PARP8: variants seen among roughly 807,000 people sequenced by gnomAD.
PARP8 encodes the protein protein mono-ADP-ribosyltransferase PARP8.
A neutral mutation model predicts 124.1 loss-of-function variants in PARP8; 51 were observed. The observed-to-expected ratio is 0.41, with a 90% CI of 0.33 to 0.52. The LOEUF (loss-of-function observed/expected upper bound fraction) is 0.52, where lower values mean the gene tolerates loss of function less well. PARP8 is among the 20% of genes least tolerant of loss of function. The pLI, the probability that PARP8 is intolerant of heterozygous loss-of-function variation, is 0.21. For missense variants in PARP8, 860 were observed against 1,018.9 expected (o/e 0.84, Z 2.12); for synonymous variants, 391 against 361.5 (o/e 1.08, Z -0.93).
intron 2 of PARP8, among the ~76,000 whole-genome samples, chr5:50,677,052 G>A (rs1354971396): frequency 1.7e-4 from 26 of 152,156 alleles, no homozygotes; most frequent in Admixed American, 1.6e-3. Flanking sequence ...TCAGGAAAAC[G>A]AGTGGAGCCT....
In PARP8 at chr5:50,841,269, C is replaced by T. The variant is rs532553107; in HGVS notation, c.2463-697C>T. ...ATTCATTCTTAAGAAATTCTTATTG[C>T]CCAAGTAACTGTATTTGAGAAAAAT... is the stretch of plus-strand genomic sequence containing the variant. On this transcript the variant is annotated intron_variant, in intron 25 of 25. Transcript: ENST00000281631. Among the ~76,000 whole-genome samples, 6 of 151,824 alleles carry T rather than the reference C, an allele frequency of 4.0e-5. 1 individual carries two copies. The highest frequency in any genetic ancestry group is 1.4e-4 in the African/African-American group (6 of 41,494).
At chr5:50,738,715 TAAAAAAA>T (rs71612375) in intron 2 of PARP8, among the ~76,000 whole-genome samples, 25 of 135,530 alleles carry the variant, frequency 1.8e-4, no homozygotes, top group East Asian at 6.3e-4. Context: ...GCTGATAAGT[TAAAAAAA>T]AAAAAAAAAA....
intron 9 of PARP8, among the ~76,000 whole-genome samples, chr5:50,785,799 T>C (rs1240146602): frequency 6.6e-6 from 1 of 152,168 alleles, no homozygotes; most frequent in African/African-American, 2.4e-5. Context: ...GCTTACAATA[T>C]AGAGCATGTG....
At chr5:50,774,529 C>T (rs1363230492) in intron 7 of PARP8, among the ~76,000 whole-genome samples, 53 of 111,662 alleles carry the variant, frequency 4.7e-4, no homozygotes, top group Admixed American at 8.9e-4. Context: ...ACGGGGTGGC[C>T]GGGCAGAGGC....
chr5:50,827,884 A>C, intron 19 of PARP8, 60 bp from the exon 20 acceptor site: 1 of 1,230,242 alleles, frequency 8.1e-7, no homozygotes, highest in Non-Finnish European at 1.2e-6. Context: ...TGAAATTGTC[A>C]TCAGCCTGAA....
intron 7 of PARP8, 141 bp from the exon 8 acceptor site, chr5:50,777,928 A>C: frequency 1.5e-6 from 1 of 661,836 alleles, no homozygotes; most frequent in Admixed American, 3.2e-5. Flanking sequence ...TAGTTATTTC[A>C]TATCCACAGT....
intron 2 of PARP8, among the ~76,000 whole-genome samples, chr5:50,693,120 C>T (rs1475703362): frequency 3.3e-5 from 5 of 152,118 alleles, no homozygotes; most frequent in Non-Finnish European, 7.4e-5. Context: ...CAGTTGATAA[C>T]TGAAAGGTGT....
intron 4 of PARP8, among the ~76,000 whole-genome samples, chr5:50,759,974 T>C (rs1238831299): frequency 6.6e-5 from 10 of 152,156 alleles, no homozygotes; most frequent in Middle Eastern, 3.2e-3. Context: ...GTTGTAAAAA[T>C]ATTTTCCTAC....
intron 2 of PARP8, among the ~76,000 whole-genome samples, chr5:50,718,889 C>T (rs570734489): frequency 6.6e-5 from 10 of 152,078 alleles, no homozygotes; most frequent in East Asian, 1.9e-4. Flanking sequence ...TTCTGAGGAA[C>T]GTCTGTACTC....
At chr5:50,700,981 T>C (rs1411135442) in intron 2 of PARP8, among the ~76,000 whole-genome samples, 1 of 152,180 alleles carries the variant, frequency 6.6e-6, no homozygotes, top group South Asian at 2.1e-4. Context: ...TGGAGTTTTC[T>C]GAATTTCTTT....
intron 2 of PARP8, among the ~76,000 whole-genome samples, chr5:50,736,365 T>C (rs925415092): frequency 6.6e-6 from 1 of 152,134 alleles, no homozygotes. Flanking sequence ...TGCAGCATCT[T>C]TGTAATGGAT....
At position 50,824,467 on chromosome 5, in the gene PARP8, A is replaced by G. The variant is rs143197374; in HGVS notation, c.1861-441A>G. ...TAAGTGAAAAGGCAAGGAAAAGAAG[A>G]TGGGACTAGAGGAGTTATGTAAAAA... On this transcript the variant is annotated intron_variant, in intron 17 of 25. Transcript: ENST00000281631. 6.6e-5 allele frequency among the ~76,000 whole-genome samples: 10 copies of G among 152,306 alleles called. No homozygotes were observed. The East Asian group carries it at 1.3e-3, about 21-fold the overall frequency.
chr5:50,772,275 T>G (rs1761701232), intron 7 of PARP8, among the ~76,000 whole-genome samples: 2 of 152,226 alleles, frequency 1.3e-5, no homozygotes, highest in South Asian at 4.1e-4. Context: ...AGGTTAATTC[T>G]GCATCTTGGC....
At chr5:50,799,467 T>G (rs1025080884) in intron 14 of PARP8, among the ~76,000 whole-genome samples, 1 of 152,230 alleles carries the variant, frequency 6.6e-6, no homozygotes, top group African/African-American at 2.4e-5. Context: ...TTGATTAATG[T>G]TGCTTTATAG....
At chr5:50,741,474 T>G (rs1202331006) in intron 2 of PARP8, among the ~76,000 whole-genome samples, 1 of 152,208 alleles carries the variant, frequency 6.6e-6, no homozygotes, top group Non-Finnish European at 1.5e-5. Context: ...TACTAATCAA[T>G]GTCAGACTTA....
rs778065349 is a variant in PARP8, at chr5:50,822,385, C to A, written c.1845C>A (p.Ile615=). The A allele has an allele frequency of 6.2e-7, 1 of 1,609,072 alleles. No individual in the cohort carries two copies. Among genetic ancestry groups the A allele is most frequent in the East Asian group, 2.2e-5 (1 of 44,770 alleles). Residue 615 remains isoleucine (I), a synonymous_variant, in exon 17 of 26, where the codon ATC becomes ATA. Coordinates refer to ENST00000281631, the MANE Select transcript of PARP8 (RefSeq NM_024615.4). The part of the protein sequence containing the change: ...VMKALDSITS[I]REMTQAPYLE... The stretch of plus-strand genomic sequence containing the variant: ...AAGCACTGGATAGCATAACTTCTAT[C>A]AGAGAAATGACACAAGTAAGTATGT...
At chr5:50,754,146 T>TATATATATATATATATAC (rs1561331500) in intron 3 of PARP8, among the ~76,000 whole-genome samples, 1 of 21,412 alleles carries the variant, frequency 4.7e-5, no homozygotes, top group East Asian at 3.6e-3. Context: ...TATATATATA[T>TATATATATATATATATAC]ATATACACAC....
intron 2 of PARP8, among the ~76,000 whole-genome samples, chr5:50,685,055 A>G (rs772684639): frequency 1.1e-4 from 16 of 152,110 alleles, no homozygotes; most frequent in Non-Finnish European, 1.5e-4. Flanking sequence ...ATTCCTGATC[A>G]TTCTCTTTGC....
chr5:50,748,458 A>G (rs138968848), intron 2 of PARP8, among the ~76,000 whole-genome samples: 27 of 152,220 alleles, frequency 1.8e-4, no homozygotes, highest in African/African-American at 6.3e-4. Context: ...TTATATTTAC[A>G]GTTTTCGGTG....
Sources: allele counts gnomAD v4.1 joint callset (sites outside exome capture counted in the v4.1 genomes callset), GRCh38; gene constraint gnomAD v4.1.1; transcripts MANE v1.5; gene names NCBI Gene and HGNC (gene_info 2026-07-23, HGNC 2026-07-21).